CRISP2: variants seen among roughly 807,000 people sequenced by gnomAD.
The protein encoded by CRISP2 is cysteine-rich secretory protein 2.
In CRISP2, 29 loss-of-function variants were observed where a neutral mutation model predicts 31.7. The observed-to-expected ratio is 0.92, with a 90% CI of 0.68 to 1.25. The LOEUF is 1.25. CRISP2 is among the 50% of genes most tolerant of loss of function. CRISP2 has a pLI of 0.00. For synonymous variants in CRISP2, 111 were observed against 101.4 expected, an observed-to-expected ratio of 1.09 and a Z score of -0.57; for missense variants, 318 against 286.5, an observed-to-expected ratio of 1.11 and a Z score of -0.79.
the CRISP2 span, among the ~76,000 whole-genome samples, chr6:49,678,109 G>A: frequency 3.3e-5 from 5 of 152,044 alleles, no homozygotes; most frequent in African/African-American, 1.2e-4. Context: ...CCAAAGAACT[G>A]CATTCAGAAT....
At chr6:49,709,910 C>G (rs1442371304) in intron 3 of CRISP2, among the ~76,000 whole-genome samples, 1 of 152,182 alleles carries the variant, frequency 6.6e-6, no homozygotes. Flanking sequence ...TAAAAAGACA[C>G]TCAGCATTTT....
the CRISP2 span, among the ~76,000 whole-genome samples, chr6:49,681,745 C>T: frequency 4.1e-4 from 62 of 152,056 alleles, no homozygotes; most frequent in Non-Finnish European, 7.5e-4. Context: ...CCAGGCTGGC[C>T]TCAAACTACT....
the CRISP2 span, among the ~76,000 whole-genome samples, chr6:49,682,260 A>T: frequency 6.6e-6 from 1 of 152,112 alleles, no homozygotes; most frequent in Non-Finnish European, 1.5e-5. Context: ...TTGTGGCTTT[A>T]GGTGCCGTCT....
downstream of CRISP2, among the ~76,000 whole-genome samples, chr6:49,688,971 C>T (rs1056345345): frequency 1.3e-5 from 2 of 152,022 alleles, no homozygotes; most frequent in Admixed American, 6.5e-5. Context: ...CGGGTTCAAG[C>T]GATTCTCCTG....
chr6:49,710,545 C>A (rs977286052), intron 3 of CRISP2, among the ~76,000 whole-genome samples: 3 of 152,074 alleles, frequency 2.0e-5, no homozygotes, highest in Non-Finnish European at 2.9e-5. Context: ...CTTATTAATA[C>A]ATAACTGTAT....
intron 4 of CRISP2, among the ~76,000 whole-genome samples, chr6:49,707,815 G>C (rs1767332116): frequency 6.6e-6 from 1 of 152,160 alleles, no homozygotes; most frequent in African/African-American, 2.4e-5. Flanking sequence ...TACCTGCTCA[G>C]GAGATACACA....
At chr6:49,698,968 C>T (rs1163987316) in intron 6 of CRISP2, among the ~76,000 whole-genome samples, 1 of 151,888 alleles carries the variant, frequency 6.6e-6, no homozygotes, top group African/African-American at 2.4e-5. Context: ...TTTAAGAGTC[C>T]CAATCAAGAG....
At chr6:49,682,559 TTCTC>T in the CRISP2 span, among the ~76,000 whole-genome samples, 1 of 55,726 alleles carries the variant, frequency 1.8e-5, no homozygotes, top group South Asian at 1.0e-3. Flanking sequence ...CCCTCCATCT[TTCTC>T]TTTCTTTCTT....
At chr6:49,698,849 TTC>T (rs1230682991) in intron 6 of CRISP2, among the ~76,000 whole-genome samples, 1 of 152,138 alleles carries the variant, frequency 6.6e-6, no homozygotes, top group South Asian at 2.1e-4. Context: ...AACTCTTATA[TTC>T]TGTTTTCTGC....
chr6:49,698,585 T>C, intron 6 of CRISP2, 78 bp from the exon 7 acceptor site: 1 of 1,477,328 alleles, frequency 6.8e-7, no homozygotes, highest in South Asian at 1.3e-5. Context: ...CACAAAGATG[T>C]TGCCTTTCAA....
intron 4 of CRISP2, among the ~76,000 whole-genome samples, chr6:49,703,285 T>G (rs553152459): frequency 1.3e-5 from 2 of 152,058 alleles, no homozygotes; most frequent in South Asian, 4.1e-4. Flanking sequence ...TGTTTTGTTT[T>G]GCTTTGGCTA....
intron 4 of CRISP2, among the ~76,000 whole-genome samples, chr6:49,704,697 C>T (rs1258914602): frequency 6.6e-6 from 1 of 152,144 alleles, no homozygotes; most frequent in Non-Finnish European, 1.5e-5. Flanking sequence ...GTGATGTGAT[C>T]CATCTTCAGG....
At chr6:49,712,885 T>G (rs913667623) in intron 1 of CRISP2, among the ~76,000 whole-genome samples, 3 of 152,174 alleles carry the variant, frequency 2.0e-5, no homozygotes, top group African/African-American at 7.2e-5. Context: ...AATTGCAACC[T>G]TTTTTCAAGA....
intron 3 of CRISP2, among the ~76,000 whole-genome samples, chr6:49,709,775 C>T (rs1224637887): frequency 6.6e-6 from 1 of 152,126 alleles, no homozygotes. Context: ...CTTCCTTATA[C>T]TTGTGAATAT....
rs1363110948 is a variant in CRISP2 at position 49,692,742 on chromosome 6, A to G, written c.*31T>C. ...CAATTAAATGATGCAGCCCTTATCC[A>G]TGCAGTCTTGCACAATGCTCACTAG... On this transcript the variant is annotated 3_prime_UTR_variant, in exon 10 of 10. Transcript: ENST00000339139. The G allele has an allele frequency of 2.5e-6, 4 of 1,588,478 alleles. No individual in the cohort carries two copies. The highest frequency in any genetic ancestry group is 3.4e-6 in the Non-Finnish European group (4 of 1,161,466).
At chr6:49,681,430 A>AT in the CRISP2 span, among the ~76,000 whole-genome samples, 1 of 152,112 alleles carries the variant, frequency 6.6e-6, no homozygotes, top group East Asian at 1.9e-4. Context: ...TAGATTAAGC[A>AT]TTTTTTCAAC....
chr6:49,701,718 TGTATATATAATGTATATATACACG>T (rs1400287824), intron 4 of CRISP2, among the ~76,000 whole-genome samples: 1 of 110,728 alleles, frequency 9.0e-6, no homozygotes, highest in African/African-American at 3.7e-5. Flanking sequence ...ACATATATAA[TGTATATATAATGTATATATACACG>T]GTATATATAT....
At chr6:49,709,077 C>T (rs1582141378) in intron 4 of CRISP2, 54 bp downstream of exon 4, 1 of 1,482,388 alleles carries the variant, frequency 6.7e-7, no homozygotes, top group Non-Finnish European at 9.4e-7. Context: ...GAATAGCCTG[C>T]CATACCACAA....
chr6:49,697,632 G>T (rs1354240072), intron 8 of CRISP2: 10 of 1,197,818 alleles, frequency 8.3e-6, no homozygotes, highest in South Asian at 2.6e-5. Flanking sequence ...TGAAAGAAAA[G>T]ACATTATTCT....
Sources: allele counts gnomAD v4.1 joint callset (sites outside exome capture counted in the v4.1 genomes callset), GRCh38; gene constraint gnomAD v4.1.1; transcripts MANE v1.5; gene names NCBI Gene and HGNC (gene_info 2026-07-23, HGNC 2026-07-21).